The following TRPM3 variants were observed in gnomAD, a reference collection of about 807,000 sequenced individuals.
TRPM3 encodes transient receptor potential cation channel subfamily M member 3, also known as long transient receptor potential channel 3.
A neutral mutation model predicts 181.2 loss-of-function variants in TRPM3; 77 were observed. That is an observed-to-expected ratio of 0.42 (90% CI 0.35 to 0.51). TRPM3 has a LOEUF of 0.51. Ranked by LOEUF, TRPM3 falls within the 20% of genes least tolerant of loss-of-function variation. TRPM3 has a pLI of 0.01. For missense variants in TRPM3, 1,759 were observed against 2,196.7 expected (o/e 0.80, Z 3.98); for synonymous variants, 745 against 796.4 (o/e 0.94, Z 1.09).
At chr9:71,171,927 C>A (rs996064518) in intron 1 of TRPM3, among the ~76,000 whole-genome samples, 9 of 151,996 alleles carry the variant, frequency 5.9e-5, no homozygotes, top group Non-Finnish European at 1.3e-4. Flanking sequence ...AAGACAGGGT[C>A]TCACTCTGTC....
chr9:70,760,167 A>T (rs924868409), intron 8 of TRPM3, among the ~76,000 whole-genome samples: 8 of 151,700 alleles, frequency 5.3e-5, no homozygotes, highest in South Asian at 2.1e-4. Flanking sequence ...ATTCAGCCTC[A>T]TTTGGTTTTA....
At chr9:70,867,596 G>T (rs1237978388) in intron 1 of TRPM3, among the ~76,000 whole-genome samples, 1 of 151,984 alleles carries the variant, frequency 6.6e-6, no homozygotes, top group Admixed American at 6.6e-5. Context: ...AAATTGGGAG[G>T]AAAACAAAAG....
intron 1 of TRPM3, among the ~76,000 whole-genome samples, chr9:71,424,363 C>T (rs1013450597): frequency 1.3e-5 from 2 of 152,008 alleles, no homozygotes; most frequent in African/African-American, 4.8e-5. Context: ...TCCACTAAAA[C>T]GTTTCAAGAA....
At chr9:70,914,261 A>G (rs2096568019) in intron 1 of TRPM3, among the ~76,000 whole-genome samples, 1 of 152,212 alleles carries the variant, frequency 6.6e-6, no homozygotes, top group South Asian at 2.1e-4. Flanking sequence ...ATGTGAGAAC[A>G]CAGGAACATC....
intron 3 of TRPM3, among the ~76,000 whole-genome samples, chr9:70,862,155 C>G (rs1211857416): frequency 6.6e-6 from 1 of 152,140 alleles, no homozygotes; most frequent in Non-Finnish European, 1.5e-5. Flanking sequence ...CCACCCTCAG[C>G]TAGTTTTCTC....
chr9:70,540,132 T>G (rs1382204139), intron 25 of TRPM3, among the ~76,000 whole-genome samples: 1 of 152,182 alleles, frequency 6.6e-6, no homozygotes, highest in East Asian at 1.9e-4. Context: ...GCCACTGCAC[T>G]TGGCCAATAA....
chr9:71,087,206 C>T lies in TRPM3; in HGVS notation c.177+33972G>A, dbSNP rs571096798. ...TATCTCATATCCTATTACTATTCCTCGATCCCATCTATGCCCATAGAATAG... is the reference window on the plus strand; with the variant it reads ...TATCTCATATCCTATTACTATTCCTTGATCCCATCTATGCCCATAGAATAG... On this transcript the variant is annotated intron_variant, in intron 1 of 25. Coordinates refer to ENST00000677713, the MANE Select transcript of TRPM3 (RefSeq NM_001366145.2). Among the ~76,000 whole-genome samples, 155 of 152,112 alleles carry T rather than the reference C, an allele frequency of 1.0e-3. 4 individuals are homozygous for T. In the South Asian group the frequency reaches 0.031, roughly 30 times the overall value.
chr9:70,893,170 C>G (rs2096236914), intron 1 of TRPM3, among the ~76,000 whole-genome samples: 1 of 152,134 alleles, frequency 6.6e-6, no homozygotes, highest in Admixed American at 6.5e-5. Context: ...AATGCTTTTT[C>G]TAATGAAACT....
chr9:71,409,724 C>G (rs2093507137), intron 1 of TRPM3, among the ~76,000 whole-genome samples: 1 of 152,066 alleles, frequency 6.6e-6, no homozygotes, highest in South Asian at 2.1e-4. Flanking sequence ...ACAAGGATAT[C>G]CAGGACTTGA....
chr9:70,870,679 T>C (rs1020426204), intron 1 of TRPM3, among the ~76,000 whole-genome samples: 1 of 152,022 alleles, frequency 6.6e-6, no homozygotes, highest in African/African-American at 2.4e-5. Flanking sequence ...TTGGTGGTGA[T>C]AATCAGGTTT....
At chr9:71,430,787 G>A (rs948842648) in intron 1 of TRPM3, among the ~76,000 whole-genome samples, 41 of 152,152 alleles carry the variant, frequency 2.7e-4, no homozygotes, top group African/African-American at 9.2e-4. Context: ...CTCCAACCTG[G>A]GTGAGAGAGC....
chr9:70,811,640 A>G (rs1177667695), intron 6 of TRPM3, among the ~76,000 whole-genome samples: 1 of 152,158 alleles, frequency 6.6e-6, no homozygotes, highest in Non-Finnish European at 1.5e-5. Flanking sequence ...GAATCTTCCA[A>G]TTCTGTGTTT....
intron 1 of TRPM3, among the ~76,000 whole-genome samples, chr9:71,235,023 CCTCT>C (rs2081279943): frequency 6.6e-6 from 1 of 152,178 alleles, no homozygotes; most frequent in African/African-American, 2.4e-5. Flanking sequence ...AGCAGTTCTC[CCTCT>C]GTGATCTGGG....
upstream of TRPM3, among the ~76,000 whole-genome samples, chr9:71,125,075 C>T (rs929655712): frequency 1.2e-4 from 18 of 152,064 alleles, no homozygotes; most frequent in Middle Eastern, 3.2e-3. Context: ...AGGAACAAGC[C>T]CAGTGGTGAG....
intron 1 of TRPM3, among the ~76,000 whole-genome samples, chr9:71,412,227 C>T (rs2093563997): frequency 6.6e-6 from 1 of 152,098 alleles, no homozygotes; most frequent in South Asian, 2.1e-4. Context: ...GCAATGGCAA[C>T]AAAAGCCAAA....
chr9:71,185,993 G>C (rs1170757427), intron 1 of TRPM3, among the ~76,000 whole-genome samples: 1 of 151,986 alleles, frequency 6.6e-6, no homozygotes, highest in East Asian at 1.9e-4. Flanking sequence ...AACTGATAGG[G>C]GAATCCTTCT....
chr9:70,827,500 C>T (rs73647170), intron 6 of TRPM3: 18,863 of 164,512 alleles, frequency 0.11, 1,316 homozygotes, highest in African/African-American at 0.18. Flanking sequence ...TGTTTAGCCA[C>T]CAAAAAGAGC....
rs567956952 is a variant in TRPM3, at chr9:71,056,157, T to A, written c.177+65021A>T. On this transcript the variant is annotated intron_variant, in intron 1 of 25. Coordinates refer to ENST00000677713, the MANE Select transcript of TRPM3 (RefSeq NM_001366145.2). ...AGTTTAAAGCAGTATCAAAACAACATCCTTGAGGGCATAATTGGGACTAGA... is the reference window on the plus strand; with the variant it reads ...AGTTTAAAGCAGTATCAAAACAACAACCTTGAGGGCATAATTGGGACTAGA... Among the ~76,000 whole-genome samples, 29 of 152,078 alleles carry A rather than the reference T, an allele frequency of 1.9e-4. No homozygotes were observed. The South Asian group carries it at 6.0e-3, about 32-fold the overall frequency.
intron 24 of TRPM3, 147 bp from the exon 25 acceptor site, chr9:70,549,821 C>T (rs149407927): frequency 2.0e-4 from 155 of 757,076 alleles, no homozygotes; most frequent in Non-Finnish European, 2.9e-4. Flanking sequence ...AATCCAAATC[C>T]AATTAGGCAA....
Sources: gnomAD v4.1 joint callset for allele counts (sites outside exome capture counted in the v4.1 genomes callset) on GRCh38, gnomAD v4.1.1 for gene constraint, MANE v1.5 for transcripts, NCBI Gene and HGNC (gene_info 2026-07-23, HGNC 2026-07-21) for gene names.